The following PARD3B variants were observed in gnomAD, a reference collection of about 807,000 sequenced individuals.
The protein encoded by PARD3B is par-3 family cell polarity regulator beta.
A neutral mutation model predicts 130.2 loss-of-function variants in PARD3B; 103 were observed. The ratio of observed to expected loss-of-function variants is 0.79; its 90% CI spans 0.67 to 0.93. The LOEUF (loss-of-function observed/expected upper bound fraction) is 0.93. Among genes scored for constraint, PARD3B ranks in the 40% least tolerant of loss-of-function variants. PARD3B has a pLI of 0.00. For missense variants in PARD3B, 1,609 were observed against 1,499.2 expected (o/e 1.07, Z -1.21); for synonymous variants, 583 against 553.2 (o/e 1.05, Z -0.76).
chr2:204,831,049 A>G (rs753869317), intron 2 of PARD3B, among the ~76,000 whole-genome samples: 21 of 152,212 alleles, frequency 1.4e-4, no homozygotes, highest in African/African-American at 5.1e-4. Context: ...ATTTTTATTA[A>G]TTGAATAAAT....
At chr2:204,921,868 G>A (rs540201600) in intron 2 of PARD3B, among the ~76,000 whole-genome samples, 34 of 152,260 alleles carry the variant, frequency 2.2e-4, no homozygotes, top group African/African-American at 7.5e-4. Context: ...GGTGGCAGTG[G>A]AAGTACAAAA....
At chr2:204,701,127 T>C (rs2037870586) in intron 2 of PARD3B, among the ~76,000 whole-genome samples, 1 of 152,170 alleles carries the variant, frequency 6.6e-6, no homozygotes, top group South Asian at 2.1e-4. Flanking sequence ...ATGTATTTAT[T>C]CTTTGAAAGA....
intron 20 of PARD3B, among the ~76,000 whole-genome samples, chr2:205,442,109 C>T (rs902093667): frequency 8.5e-5 from 13 of 152,158 alleles, no homozygotes; most frequent in South Asian, 8.3e-4. Context: ...ATCCTCTCTG[C>T]GTATTCCACA....
At chr2:205,305,209 A>T (rs2042148022) in intron 18 of PARD3B, among the ~76,000 whole-genome samples, 1 of 152,140 alleles carries the variant, frequency 6.6e-6, no homozygotes, top group South Asian at 2.1e-4. Flanking sequence ...AGCTCATGTC[A>T]CTGGTCCTCC....
intron 1 of PARD3B, among the ~76,000 whole-genome samples, chr2:204,654,729 A>T (rs2035588480): frequency 6.6e-6 from 1 of 152,016 alleles, no homozygotes; most frequent in African/African-American, 2.4e-5. Context: ...TATTGGTGAT[A>T]AGCTCTTTTC....
intron 16 of PARD3B, among the ~76,000 whole-genome samples, chr2:205,252,110 G>T (rs1386487260): frequency 1.3e-5 from 2 of 152,090 alleles, no homozygotes; most frequent in Admixed American, 6.5e-5. Flanking sequence ...GAATTAAACT[G>T]AATTAGAAAC....
intron 16 of PARD3B, among the ~76,000 whole-genome samples, chr2:205,294,343 A>G (rs1225537253): frequency 1.3e-5 from 2 of 152,188 alleles, no homozygotes; most frequent in Non-Finnish European, 2.9e-5. Context: ...GATAGAAGAA[A>G]AAAGAAAAAC....
At chr2:204,832,347 A>G (rs1157401528) in intron 2 of PARD3B, among the ~76,000 whole-genome samples, 1 of 152,156 alleles carries the variant, frequency 6.6e-6, no homozygotes, top group African/African-American at 2.4e-5. Flanking sequence ...GTTTAAAATC[A>G]GTGCTATAGT....
rs2033629509 is a variant in PARD3B, at chr2:204,604,346, G to A, written c.120+58227G>A. 1.3e-5 allele frequency among the ~76,000 whole-genome samples: 2 copies of A among 152,120 alleles called. 1 individual carries two copies. Among genetic ancestry groups the A allele is most frequent in the South Asian group, 4.1e-4 (2 of 4,820 alleles). ...TATCAGAAAAAAGGTTTTATTATTAGCTCAGTAAGAAAATACAATCTGCAG... is the reference window on the plus strand; with the variant it reads ...TATCAGAAAAAAGGTTTTATTATTAACTCAGTAAGAAAATACAATCTGCAG... On this transcript the variant is annotated intron_variant, in intron 1 of 22. Coordinates refer to ENST00000406610, the MANE Select transcript of PARD3B (RefSeq NM_001302769.2).
rs1182839492 is a variant in PARD3B at position 205,185,867 on chromosome 2, T to C, written c.2024+4T>C. On this transcript the variant is annotated splice_donor_region_variant and intron_variant, in intron 14 of 22. Transcript: ENST00000406610. ...GCCTCGAAGATTACAGCCACAGGTA[T>C]TGATAAAATGATGTATCGTAAATGC... The C allele has an allele frequency of 1.0e-5, 16 of 1,607,856 alleles. No individual in the cohort carries two copies. Among genetic ancestry groups the C allele is most frequent in the Middle Eastern group, 1.7e-4 (1 of 6,056 alleles).
intron 2 of PARD3B, among the ~76,000 whole-genome samples, chr2:204,715,112 G>A (rs1574790544): frequency 6.6e-6 from 1 of 152,288 alleles, no homozygotes; most frequent in East Asian, 1.9e-4. Flanking sequence ...TGAGGTTGTA[G>A]TTGCTTTTGA....
chr2:205,102,006 G>A (rs549551079), intron 4 of PARD3B, among the ~76,000 whole-genome samples: 5 of 152,224 alleles, frequency 3.3e-5, no homozygotes, highest in African/African-American at 1.2e-4. Context: ...TTAAAATGGT[G>A]ACTCTTATGT....
intron 3 of PARD3B, among the ~76,000 whole-genome samples, chr2:205,042,586 G>A (rs1698471072): frequency 1.3e-5 from 2 of 151,690 alleles, no homozygotes; most frequent in African/African-American, 4.8e-5. Flanking sequence ...TTTCTCTTTG[G>A]CTTCCATTCA....
At chr2:204,898,131 A>C (rs36050933) in intron 2 of PARD3B, among the ~76,000 whole-genome samples, 31,541 of 151,426 alleles carry the variant, frequency 0.21, 3,840 homozygotes, top group Non-Finnish European at 0.28. Flanking sequence ...AAAAAAAAAC[A>C]TAAATGAACA....
chr2:205,509,307 C>A (rs991689), intron 21 of PARD3B, among the ~76,000 whole-genome samples: 141,963 of 152,052 alleles, frequency 0.93, 67,045 homozygotes, highest in East Asian at 1. Flanking sequence ...TGTGCTAATC[C>A]CAGAACAATA....
At chr2:204,707,967 CA>C (rs1287711529) in intron 2 of PARD3B, among the ~76,000 whole-genome samples, 2 of 151,956 alleles carry the variant, frequency 1.3e-5, no homozygotes, top group African/African-American at 4.8e-5. Context: ...AGGAGGAGAC[CA>C]AGAGACCCCT....
At chr2:204,694,137 C>T (rs1205935752) in intron 2 of PARD3B, among the ~76,000 whole-genome samples, 1 of 151,954 alleles carries the variant, frequency 6.6e-6, no homozygotes, top group South Asian at 2.1e-4. Context: ...AATTACAAAG[C>T]ACTATATACG....
intron 2 of PARD3B, among the ~76,000 whole-genome samples, chr2:204,926,780 A>G (rs1687655698): frequency 6.6e-6 from 1 of 152,148 alleles, no homozygotes; most frequent in Admixed American, 6.5e-5. Flanking sequence ...ATTCAATTGT[A>G]TAGCATACTC....
chr2:204,981,024 T>C (rs767167048), intron 3 of PARD3B, among the ~76,000 whole-genome samples: 31 of 152,222 alleles, frequency 2.0e-4, no homozygotes, highest in Non-Finnish European at 3.7e-4. Context: ...TTGCAAGTTA[T>C]AAATTAATTC....
Sources: allele counts gnomAD v4.1 joint callset (sites outside exome capture counted in the v4.1 genomes callset), GRCh38; gene constraint gnomAD v4.1.1; transcripts MANE v1.5; gene names NCBI Gene and HGNC (gene_info 2026-07-23, HGNC 2026-07-21).